The following ATP6V1A variants were observed in gnomAD, a reference collection of about 807,000 sequenced individuals.
ATP6V1A encodes the protein ATPase H+ transporting V1 subunit A, also known as V-type proton ATPase catalytic subunit A.
Under a neutral mutation model 70.1 loss-of-function variants are expected in ATP6V1A, and 18 were observed. The observed-to-expected ratio is 0.26, with a 90% CI of 0.18 to 0.38. ATP6V1A has a LOEUF of 0.38. Ranked by LOEUF, ATP6V1A falls within the 10% of genes least tolerant of loss-of-function variation. The pLI is 1.00. For missense variants in ATP6V1A, 424 were observed against 772.4 expected (o/e 0.55, Z 5.35); for synonymous variants, 232 against 253.8 (o/e 0.91, Z 0.82).
chr3:113,801,978 T>C (rs1410593408), intron 12 of ATP6V1A, among the ~76,000 whole-genome samples: 2 of 150,870 alleles, frequency 1.3e-5, no homozygotes, highest in East Asian at 1.9e-4. Context: ...AGTTAACTCA[T>C]TGGGCTTGTC....
chr3:113,748,510 A>G (rs1015308588), intron 1 of ATP6V1A, among the ~76,000 whole-genome samples: 1 of 152,254 alleles, frequency 6.6e-6, no homozygotes, highest in African/African-American at 2.4e-5. Context: ...CTGCTGGAAA[A>G]TGAGGAAGAT....
At chr3:113,805,294 A>G in intron 13 of ATP6V1A, 60 bp from the exon 14 acceptor site, 2 of 1,503,842 alleles carry the variant, frequency 1.3e-6, no homozygotes, top group Non-Finnish European at 1.8e-6. Flanking sequence ...GTTTTATATA[A>G]AGTATGAACC....
intron 12 of ATP6V1A, among the ~76,000 whole-genome samples, chr3:113,802,131 A>G (rs1316541696): frequency 6.6e-6 from 1 of 152,154 alleles, no homozygotes; most frequent in East Asian, 1.9e-4. Context: ...ACTTAGCTAT[A>G]CTAGTAAAAT....
rs770490320 is a variant in ATP6V1A at position 113,798,383 on chromosome 3, G to A, written c.1431G>A (p.Thr477=). 2.0e-5 allele frequency: 33 copies of A among 1,613,760 alleles called. No individual in the cohort carries two copies. The South Asian group carries it at 2.6e-4, about 13-fold the overall frequency. The change falls in exon 12 of 15, where the codon ACG becomes ACA. Residue 477 remains threonine, a synonymous_variant. Coordinates refer to ENST00000273398, the MANE Select transcript of ATP6V1A (RefSeq NM_001690.4). ...KHFTEFVPLR[T]KAKEILQEEE... is the part of the protein sequence containing the mutation. ...TCACAGAGTTCGTTCCTCTGAGGAC[G>A]AAAGCTAAGGAAATTCTGCAGGAAG...
intron 3 of ATP6V1A, 45 bp downstream of exon 3, chr3:113,781,223 AT>A: frequency 6.4e-7 from 1 of 1,562,314 alleles, no homozygotes; most frequent in Middle Eastern, 1.7e-4. Flanking sequence ...ATATTTCAAA[AT>A]TTAAGGATTT....
rs546639298 is a variant in ATP6V1A, at chr3:113,762,152, CA to C, written c.-14+15051del. 6.5e-4 allele frequency among the ~76,000 whole-genome samples: 68 copies of C among 104,374 alleles called. 1 individual carries two copies. Among genetic ancestry groups the C allele is most frequent in the Admixed American group, 1.4e-3 (15 of 11,006 alleles). The allele number at this position is 104,374 out of a possible 152,430, so 68.5% of individuals were successfully genotyped here. On this transcript the variant is annotated intron_variant, in intron 1 of 14. Transcript: ENST00000273398. ...GGGCAACAAGAGCAAAACTCTGTCT[CA>C]AAAAAAAAAAAGTTTCTAAGTATTT... is the stretch of plus-strand genomic sequence containing the variant.
intron 1 of ATP6V1A, among the ~76,000 whole-genome samples, chr3:113,759,266 G>A (rs1708675550): frequency 7.0e-6 from 1 of 142,062 alleles, no homozygotes; most frequent in Non-Finnish European, 1.5e-5. Flanking sequence ...TCCATTTTTA[G>A]ATTTTTCTAT....
At chr3:113,780,792 G>C in intron 2 of ATP6V1A, 1 of 1,324,746 alleles carries the variant, frequency 7.5e-7, no homozygotes, top group Non-Finnish European at 9.9e-7. Context: ...AGGTAAGTTT[G>C]CCATGCAGAA....
In ATP6V1A at chr3:113,810,544, A is replaced by G. The variant is rs1166020889; in HGVS notation, c.*1117A>G. ...TTACTAGGAAGTTCTTTTTAAAATGACACTTAAAACAATCACTGAAAACTT... is the reference window on the plus strand; with the variant it reads ...TTACTAGGAAGTTCTTTTTAAAATGGCACTTAAAACAATCACTGAAAACTT... On this transcript the variant is annotated 3_prime_UTR_variant, in exon 15 of 15. Coordinates refer to ENST00000273398, the MANE Select transcript of ATP6V1A (RefSeq NM_001690.4). 6.6e-6 allele frequency: 1 copy of G among 152,252 alleles called. No homozygotes were observed. Among genetic ancestry groups the G allele is most frequent in the African/African-American group, 2.4e-5 (1 of 41,458 alleles). The allele number at this position is 152,252 out of a possible 1,614,324, so 9.4% of individuals were successfully genotyped here. A position where few individuals can be genotyped will look rare whatever the true frequency, so the allele number is the denominator to read the frequency against.
chr3:113,770,243 T>C (rs1577084548), intron 1 of ATP6V1A, among the ~76,000 whole-genome samples: 1 of 151,916 alleles, frequency 6.6e-6, no homozygotes, highest in Non-Finnish European at 1.5e-5. Context: ...AGAGGCAGGG[T>C]TTCACCATGT....
intron 8 of ATP6V1A, among the ~76,000 whole-genome samples, chr3:113,790,134 G>C (rs985088817): frequency 5.3e-5 from 8 of 151,676 alleles, no homozygotes; most frequent in African/African-American, 1.9e-4. Context: ...GGCTGGGCGT[G>C]GTGGCAGCCA....
chr3:113,777,647 G>A (rs1708930166), intron 1 of ATP6V1A, among the ~76,000 whole-genome samples: 1 of 152,202 alleles, frequency 6.6e-6, no homozygotes, highest in Non-Finnish European at 1.5e-5. Context: ...CAGGTACTAG[G>A]GAGGATGAGG....
At chr3:113,747,806 T>A (rs1310860481) in intron 1 of ATP6V1A, among the ~76,000 whole-genome samples, 1 of 152,156 alleles carries the variant, frequency 6.6e-6, no homozygotes, top group Non-Finnish European at 1.5e-5. Context: ...ACAGTCTCGA[T>A]TGAATGAGGA....
intron 8 of ATP6V1A, among the ~76,000 whole-genome samples, chr3:113,792,234 A>T (rs1339301665): frequency 6.6e-6 from 1 of 152,156 alleles, no homozygotes; most frequent in Non-Finnish European, 1.5e-5. Flanking sequence ...TTTTTGGTGG[A>T]CTATTGGATT....
chr3:113,762,429 G>A (rs1163416013), intron 1 of ATP6V1A, among the ~76,000 whole-genome samples: 1 of 152,108 alleles, frequency 6.6e-6, no homozygotes. Context: ...TTAGCTGGGC[G>A]TGGTGGCGCA....
chr3:113,750,924 A>G (rs538705451), intron 1 of ATP6V1A, among the ~76,000 whole-genome samples: 1 of 152,314 alleles, frequency 6.6e-6, no homozygotes, highest in East Asian at 1.9e-4. Flanking sequence ...TGTAGCAAAG[A>G]TTCTAAAACA....
intron 14 of ATP6V1A, among the ~76,000 whole-genome samples, chr3:113,807,043 T>C (rs996289509): frequency 1.3e-5 from 2 of 152,072 alleles, no homozygotes; most frequent in African/African-American, 4.8e-5. Context: ...TACAAATAGG[T>C]AAGCACTACA....
At chr3:113,760,619 T>C (rs1419983036) in intron 1 of ATP6V1A, among the ~76,000 whole-genome samples, 1 of 150,878 alleles carries the variant, frequency 6.6e-6, no homozygotes, top group Non-Finnish European at 1.5e-5. Context: ...TCCCAGCTAC[T>C]CAGGAGGCTG....
intron 1 of ATP6V1A, among the ~76,000 whole-genome samples, chr3:113,750,677 T>C (rs1207874876): frequency 6.6e-6 from 1 of 152,250 alleles, no homozygotes; most frequent in African/African-American, 2.4e-5. Context: ...AATCTATAGA[T>C]GGTGCTATTA....
Sources: allele counts gnomAD v4.1 joint callset (sites outside exome capture counted in the v4.1 genomes callset), GRCh38; gene constraint gnomAD v4.1.1; transcripts MANE v1.5; gene names NCBI Gene and HGNC (gene_info 2026-07-23, HGNC 2026-07-21).